The following PPP6R1 variants were observed in gnomAD, a reference collection of about 807,000 sequenced individuals.
PPP6R1 encodes the protein serine/threonine-protein phosphatase 6 regulatory subunit 1.
PPP6R1 carries 39 observed loss-of-function variants against 104.6 expected under a neutral mutation model. That is an observed-to-expected ratio of 0.37 (90% CI 0.29 to 0.49). PPP6R1 has a LOEUF of 0.49. Among genes scored for constraint, PPP6R1 ranks in the 20% least tolerant of loss-of-function variants. The pLI is 0.98. For synonymous variants in PPP6R1, 549 were observed against 479.0 expected, an observed-to-expected ratio of 1.15 and a Z score of -1.91; for missense variants, 1,181 against 1,155.8, an observed-to-expected ratio of 1.02 and a Z score of -0.32.
Position 55,247,125 on chromosome 19 carries a change from C to A in PPP6R1, c.-6-16G>T, listed in dbSNP as rs749653087. On this transcript the variant is annotated splice_polypyrimidine_tract_variant and intron_variant, in intron 1 of 23. Transcript: ENST00000412770. ...ACATGGCGCCCTGCAGGCATAGACA[C>A]AACCAGCGCCGCGTCAGACGCCCCA... 6.2e-7 allele frequency: 1 copy of A among 1,608,006 alleles called. No homozygotes were observed. The highest frequency in any genetic ancestry group is 1.7e-4 in the Middle Eastern group (1 of 6,052).
Position 55,236,933 on chromosome 19 carries a change from G to A in PPP6R1, c.1789C>T (p.Leu597Phe). Residue 597 changes from leucine to phenylalanine, a missense_variant, in exon 16 of 24, where the codon CTC (leucine) becomes TTC (phenylalanine). By Grantham distance (22) the Leu-to-Phe change is conservative (BLOSUM62 0). Around this residue, in one of 2 missense-constraint regions of PPP6R1, gnomAD observed 1,042 missense variants for 955.6 expected, o/e 1.09. Coordinates refer to ENST00000412770, the MANE Select transcript of PPP6R1 (RefSeq NM_014931.4). ...CTCACGTTCTCATCGTCAGCATTGA[G>A]GGAGAAGGTGATGTTGGCTGTCTTG... The part of the protein sequence containing the change: ...FDKTANITFS[L>F]NADDENPNAN... 1 of 1,613,390 alleles carries A rather than the reference G, an allele frequency of 6.2e-7. No individual in the cohort carries two copies. Among genetic ancestry groups the A allele is most frequent in the Non-Finnish European group, 8.5e-7 (1 of 1,179,284 alleles).
At position 55,231,683 on chromosome 19, in the gene PPP6R1, A is replaced by G. The variant is rs577008974; in HGVS notation, c.2307-15T>C. On this transcript the variant is annotated splice_polypyrimidine_tract_variant and intron_variant, in intron 19 of 23. Transcript: ENST00000412770. ...GGTCCTGAGACCTGGTAGGCGAGAG[A>G]GGCAGCCCAAGGGGGCAGCTAGGGT... 1.3e-6 allele frequency: 2 copies of G among 1,586,744 alleles called. No homozygotes were observed. Among genetic ancestry groups the G allele is most frequent in the Non-Finnish European group, 1.7e-6 (2 of 1,166,200 alleles).
Position 55,236,590 on chromosome 19 carries a change from T to C in PPP6R1, c.1988+53A>G. The C allele has an allele frequency of 3.4e-6, 5 of 1,459,514 alleles. No individual in the cohort carries two copies. In the South Asian group the frequency reaches 7.2e-5, roughly 21 times the overall value. 90.4% of individuals were successfully genotyped at this position (1,459,514 alleles called of 1,614,324 possible). ...GTCCAAATGTGTTGGGGGGACCCCT[T>C]GGCCCTGCCGTGTGGTGGAAGCTTG... On this transcript the variant is annotated intron_variant, in intron 17 of 23. Transcript: ENST00000412770.
At chr19:55,240,864 G>T (rs1211551602) in intron 10 of PPP6R1, 81 bp downstream of exon 10, 5 of 1,515,082 alleles carry the variant, frequency 3.3e-6, no homozygotes, top group African/African-American at 2.8e-5. Flanking sequence ...TGGGAGGAAG[G>T]AGTGAGGGGT....
At chr19:55,233,602 G>A (rs1432374354) in intron 17 of PPP6R1, among the ~76,000 whole-genome samples, 1 of 152,154 alleles carries the variant, frequency 6.6e-6, no homozygotes, top group Non-Finnish European at 1.5e-5. Flanking sequence ...AAGGTTGCAG[G>A]ATGAAAGATC....
chr19:55,257,837 G>A lies in PPP6R1; in HGVS notation c.-7+598C>T, dbSNP rs566266767. Among the ~76,000 whole-genome samples the A allele has an allele frequency of 2.6e-5, 4 of 152,372 alleles. No individual in the cohort carries two copies. The East Asian group carries it at 7.7e-4, about 29-fold the overall frequency. ...CTCGGTGCCCAGCGCCAGGCTCCCT[G>A]CCTGCCCTCAGCAGGCTTCATCTCA... On this transcript the variant is annotated intron_variant, in intron 1 of 23. Coordinates refer to ENST00000412770, the MANE Select transcript of PPP6R1 (RefSeq NM_014931.4).
chr19:55,245,504 G>T lies in PPP6R1; in HGVS notation c.402C>A (p.Arg134=). Residue 134 remains arginine (R), a synonymous_variant, in exon 3 of 24, where the codon CGC becomes CGA. Coordinates refer to ENST00000412770, the MANE Select transcript of PPP6R1 (RefSeq NM_014931.4). This position sits in a 1 kb window ranked among gnomAD's most constrained non-coding sequence, Gnocchi z 6.4. ...FSKVMGILIN[R]KTDQLVSFLR... Reference sequence around the variant, plus strand: ...GGGGCCAGGGCACCTGGTCTGTCTTGCGGTTGATGAGGATGCCCATGACCT... The same window carrying T: ...GGGGCCAGGGCACCTGGTCTGTCTTTCGGTTGATGAGGATGCCCATGACCT... 1 of 1,609,584 alleles carries T rather than the reference G, an allele frequency of 6.2e-7. No homozygotes were observed. Among genetic ancestry groups the T allele is most frequent in the Non-Finnish European group, 8.5e-7 (1 of 1,178,064 alleles).
Position 55,247,081 on chromosome 19 carries a change from T to C in PPP6R1, c.23A>G (p.His8Arg). ...CAGCGTGTCCAGGTGCGAGCTTGTG[T>C]GCAGGTCAAACTTCCAAAACATGGC... is the stretch of plus-strand genomic sequence containing the variant. MFWKFDLHTSSHLDTLLE... is the reference protein window; with the variant it reads MFWKFDLRTSSHLDTLLE... The change falls in exon 2 of 24, where the codon CAC becomes CGC. Residue 8 changes from histidine (H) to arginine (R), a missense_variant. By Grantham distance (29) the His-to-Arg change is conservative (BLOSUM62 0). Transcript: ENST00000412770. The C allele has an allele frequency of 6.2e-7, 1 of 1,613,466 alleles. No homozygotes were observed. Among genetic ancestry groups the C allele is most frequent in the Non-Finnish European group, 8.5e-7 (1 of 1,179,786 alleles).
At chr19:55,252,691 C>T (rs767201693) in intron 1 of PPP6R1, among the ~76,000 whole-genome samples, 25 of 152,206 alleles carry the variant, frequency 1.6e-4, no homozygotes, top group South Asian at 6.2e-4. Flanking sequence ...TGAATCACCA[C>T]GCCCGGCCTA....
Position 55,240,997 on chromosome 19 carries a change from G to T in PPP6R1, c.1244C>A (p.Pro415Gln), listed in dbSNP as rs1387398144. ...CGTCTCAGGGCTGCTGTCAGGAGGTGGCCCCAAGCTCAGCATGGTGCTCAC... is the reference window on the plus strand; with the variant it reads ...CGTCTCAGGGCTGCTGTCAGGAGGTTGCCCCAAGCTCAGCATGGTGCTCAC... ...GCVSTMLSLGPPPDSSPETPI... is the reference protein window; with the variant it reads ...GCVSTMLSLGQPPDSSPETPI... Residue 415 changes from proline (P) to glutamine (Q), a missense_variant, in exon 10 of 24, where the codon CCA becomes CAA. Around this residue, in one of 2 missense-constraint regions of PPP6R1, gnomAD observed 1,042 missense variants for 955.6 expected, o/e 1.09. Coordinates refer to ENST00000412770, the MANE Select transcript of PPP6R1 (RefSeq NM_014931.4). 1 of 1,597,030 alleles carries T rather than the reference G, an allele frequency of 6.3e-7. No individual in the cohort carries two copies. Among genetic ancestry groups the T allele is most frequent in the African/African-American group, 1.3e-5 (1 of 74,668 alleles).
intron 1 of PPP6R1, among the ~76,000 whole-genome samples, chr19:55,254,383 G>C (rs2122739488): frequency 6.6e-6 from 1 of 152,268 alleles, no homozygotes; most frequent in Admixed American, 6.5e-5. Context: ...ATTGCCTCTG[G>C]TTTCTGACTT....
In PPP6R1 at chr19:55,245,560, G is replaced by A. The variant is rs1198262323; in HGVS notation, c.346C>T (p.Leu116Phe). The change falls in exon 3 of 24, where the codon CTC (leucine) becomes TTC (phenylalanine). Residue 116 changes from leucine (L) to phenylalanine (F), a missense_variant. This residue lies in a region of PPP6R1 where 139 missense variants were observed against 200.1 expected (regional missense o/e 0.69). Transcript: ENST00000412770. The surrounding 1 kb of genome is among the most constrained non-coding windows in gnomAD (Gnocchi z 6.4). The part of the protein sequence containing the change: ...LYGFLQSTGS[L>F]NPLLASFFSK... ...AAGAAGCTGGCCAGCAGTGGGTTGAGGCTGCCGGTGCTCTGCAGGAAGCCG... is the reference window on the plus strand; with the variant it reads ...AAGAAGCTGGCCAGCAGTGGGTTGAAGCTGCCGGTGCTCTGCAGGAAGCCG... The A allele has an allele frequency of 1.2e-6, 2 of 1,611,952 alleles. No homozygotes were observed. The highest frequency in any genetic ancestry group is 2.2e-5 in the East Asian group (1 of 44,824).
Position 55,240,514 on chromosome 19 carries a change from TACACACACACACAC to T in PPP6R1, c.1297-228_1297-215del, listed in dbSNP as rs777717878. On this transcript the variant is annotated intron_variant, in intron 10 of 23. Transcript: ENST00000412770. ...TTTCTACAAAAGAATATGTGGTGCA[TACACACACACACAC>T]ACACACACACACACACACACACACA... Among the ~76,000 whole-genome samples, 359 of 136,018 alleles carry T rather than the reference TACACACACACACAC, an allele frequency of 2.6e-3. 1 individual carries two copies. Among genetic ancestry groups the T allele is most frequent in the East Asian group, 0.013 (56 of 4,436 alleles). The allele number at this position is 136,018 out of a possible 152,430, so 89.2% of individuals were successfully genotyped here.
At chr19:55,250,267 A>C (rs938983267) in intron 1 of PPP6R1, among the ~76,000 whole-genome samples, 1 of 152,332 alleles carries the variant, frequency 6.6e-6, no homozygotes, top group Middle Eastern at 3.4e-3. Context: ...CTTATTTTAC[A>C]GGAGAGGAAA....
Position 55,245,101 on chromosome 19 carries a change from G to C in PPP6R1, c.618+19C>G. 1 of 1,612,384 alleles carries C rather than the reference G, an allele frequency of 6.2e-7. No homozygotes were observed. ...AAGGAACTCTAAGGGGAATCCGCAG[G>C]GGCATCGGCAGCACTCACATTCTCA... On this transcript the variant is annotated intron_variant, in intron 5 of 23. Transcript: ENST00000412770. The surrounding 1 kb of genome is among the most constrained non-coding windows in gnomAD (Gnocchi z 6.4).
In PPP6R1 at chr19:55,229,923, C is replaced by G. The variant is rs1351250103; in HGVS notation, c.*605G>C. 1 of 153,170 alleles carries G rather than the reference C, an allele frequency of 6.5e-6. No homozygotes were observed. Among genetic ancestry groups the G allele is most frequent in the Non-Finnish European group, 1.5e-5 (1 of 68,280 alleles). The allele number at this position is 153,170 out of a possible 1,614,324, so 9.5% of individuals were successfully genotyped here. ...GCTGGGACCTCAGACCCTCAAGGCC[C>G]CTGGGGCTGTTGCCGGGGAGGCCCC... On this transcript the variant is annotated 3_prime_UTR_variant, in exon 24 of 24. Coordinates refer to ENST00000412770, the MANE Select transcript of PPP6R1 (RefSeq NM_014931.4).
At chr19:55,254,864 G>A (rs1357050855) in intron 1 of PPP6R1, among the ~76,000 whole-genome samples, 1 of 152,200 alleles carries the variant, frequency 6.6e-6, no homozygotes, top group Non-Finnish European at 1.5e-5. Flanking sequence ...AAGGGGGCTG[G>A]GAACACCCAA....
At chr19:55,242,011 C>T (rs894676901) in intron 7 of PPP6R1, among the ~76,000 whole-genome samples, 155 bp downstream of exon 7, 22 of 152,306 alleles carry the variant, frequency 1.4e-4, no homozygotes, top group African/African-American at 5.1e-4. Context: ...CCTCCCTCGG[C>T]CCCGTACTGT....
intron 1 of PPP6R1, among the ~76,000 whole-genome samples, chr19:55,247,982 T>TGCCTGGTTCCTCA (rs1418404144): frequency 6.6e-6 from 1 of 152,168 alleles, no homozygotes; most frequent in African/African-American, 2.4e-5. Flanking sequence ...TGGAGGACAG[T>TGCCTGGTTCCTCA]GCCTGGTTCC....
Sources: gnomAD v4.1 joint callset for allele counts (sites outside exome capture counted in the v4.1 genomes callset) on GRCh38, gnomAD v4.1.1 for gene constraint, gnomAD v4.1.1 regional missense constraint, Gnocchi (gnomAD v3.1) non-coding constraint, MANE v1.5 for transcripts, NCBI Gene and HGNC (gene_info 2026-07-23, HGNC 2026-07-21) for gene names.